Variants in KIAA1755 observed in about 807,000 individuals in gnomAD.
KIAA1755 encodes the protein KIAA1755.
KIAA1755 carries 68 observed loss-of-function variants against 91.7 expected under a neutral mutation model. The ratio of observed to expected loss-of-function variants is 0.74; its 90% CI spans 0.61 to 0.91. KIAA1755 has a LOEUF of 0.91. Among genes scored for constraint, KIAA1755 ranks in the 40% least tolerant of loss-of-function variants. The pLI, the probability that KIAA1755 is intolerant of heterozygous loss-of-function variation, is 0.00. For missense variants in KIAA1755, 1,535 were observed against 1,494.4 expected, an observed-to-expected ratio of 1.03 and a Z score of -0.45; for synonymous variants, 610 against 604.6, an observed-to-expected ratio of 1.01 and a Z score of -0.13.
intron 1 of KIAA1755, among the ~76,000 whole-genome samples, chr20:38,253,572 T>C (rs1018899487): frequency 6.6e-6 from 1 of 152,132 alleles, no homozygotes; most frequent in African/African-American, 2.4e-5. Flanking sequence ...GAAAACAGTG[T>C]CATACCGTAT....
intron 1 of KIAA1755, among the ~76,000 whole-genome samples, chr20:38,248,004 G>A (rs535606109): frequency 1.2e-4 from 19 of 152,310 alleles, no homozygotes; most frequent in African/African-American, 4.1e-4. Context: ...GAGGTGGGTG[G>A]ATCCCTTGAG....
At chr20:38,257,022 G>A (rs2076350547) in intron 1 of KIAA1755, among the ~76,000 whole-genome samples, 1 of 152,106 alleles carries the variant, frequency 6.6e-6, no homozygotes, top group Non-Finnish European at 1.5e-5. Context: ...TCCCTGGACT[G>A]AGCAACCTCC....
chr20:38,234,859 A>G (rs2123187533), intron 4 of KIAA1755, among the ~76,000 whole-genome samples: 1 of 152,282 alleles, frequency 6.6e-6, no homozygotes, highest in South Asian at 2.1e-4. Flanking sequence ...CTTTTGCCCC[A>G]AATGTTATCC....
rs560531659 is a variant in KIAA1755, at chr20:38,239,476, T to C, written c.1747+52A>G. On this transcript the variant is annotated intron_variant, in intron 4 of 13. Coordinates refer to ENST00000279024, the MANE Select transcript of KIAA1755 (RefSeq NM_001029864.2). The stretch of plus-strand genomic sequence containing the variant: ...TCCACCCAACAGCAGCTGAAGATGC[T>C]CTGGGGCCCCCAGCTCCCTCCCTAC... 3.8e-6 allele frequency: 6 copies of C among 1,562,390 alleles called. No individual in the cohort carries two copies. In the African/African-American group the frequency reaches 8.1e-5, roughly 21 times the overall value.
chr20:38,219,567 G>T, intron 11 of KIAA1755, 63 bp downstream of exon 11: 1 of 1,598,140 alleles, frequency 6.3e-7, no homozygotes, highest in East Asian at 2.2e-5. Context: ...CCCAGAGTCG[G>T]GGCTTTCCTG....
rs2076086436 is a variant in KIAA1755, at chr20:38,242,469, C to G, written c.202-540G>C. On this transcript the variant is annotated intron_variant, in intron 2 of 13. Coordinates refer to ENST00000279024, the MANE Select transcript of KIAA1755 (RefSeq NM_001029864.2). ...CCTCAATTTATGGTGGGGTTATATC[C>G]TGGTAAATCCATCATAAATTGAAAC... 2.6e-5 allele frequency among the ~76,000 whole-genome samples: 4 copies of G among 152,136 alleles called. No homozygotes were observed. In the South Asian group the frequency reaches 8.3e-4, roughly 32 times the overall value.
At chr20:38,247,604 A>G (rs186363742) in intron 1 of KIAA1755, among the ~76,000 whole-genome samples, 59 of 152,352 alleles carry the variant, frequency 3.9e-4, no homozygotes, top group African/African-American at 1.4e-3. Flanking sequence ...ATGACCTCCA[A>G]TGACGCCCTC....
intron 4 of KIAA1755, among the ~76,000 whole-genome samples, chr20:38,235,897 T>C (rs2075952051): frequency 6.6e-6 from 1 of 152,218 alleles, no homozygotes. Flanking sequence ...ATGAAAACTT[T>C]ACGGGGAGAC....
At chr20:38,245,312 C>T (rs571980947) in intron 2 of KIAA1755, among the ~76,000 whole-genome samples, 76 of 152,312 alleles carry the variant, frequency 5.0e-4, no homozygotes, top group African/African-American at 1.7e-3. Flanking sequence ...CAACAAGCAG[C>T]GCAAAGCAGA....
chr20:38,223,891 T>G (rs78375300), intron 8 of KIAA1755, among the ~76,000 whole-genome samples: 8,664 of 152,248 alleles, frequency 0.057, 392 homozygotes, highest in African/African-American at 0.12. Context: ...GCTGCTGGCC[T>G]GGGGAACCAC....
chr20:38,248,941 C>T (rs2076202517), intron 1 of KIAA1755, among the ~76,000 whole-genome samples: 1 of 152,020 alleles, frequency 6.6e-6, no homozygotes, highest in South Asian at 2.1e-4. Context: ...GTGGTGCTAT[C>T]TCGGCTCACT....
intron 4 of KIAA1755, chr20:38,233,821 A>T (rs879128): frequency 0.32 from 48,400 of 152,028 alleles, 7,890 homozygotes; most frequent in Middle Eastern, 0.49. Context: ...GTTAGGGGCG[A>T]AGCTGTGTCC....
Position 38,212,508 on chromosome 20 carries a change from T to C in KIAA1755, c.*534A>G, listed in dbSNP as rs2075465395. The C allele has an allele frequency of 1.3e-5, 2 of 152,992 alleles. No homozygotes were observed. The highest frequency in any genetic ancestry group is 1.3e-4 in the Admixed American group (2 of 15,316). The allele number at this position is 152,992 out of a possible 1,614,324, so 9.5% of individuals were successfully genotyped here. ...ACATACTCTTTATTCCCTTTGCAGA[T>C]TCGCCTCCTACTCCCCCAGCAGAGG... On this transcript the variant is annotated 3_prime_UTR_variant, in exon 14 of 14. Coordinates refer to ENST00000279024, the MANE Select transcript of KIAA1755 (RefSeq NM_001029864.2).
At chr20:38,244,813 A>G (rs2076126450) in intron 2 of KIAA1755, among the ~76,000 whole-genome samples, 1 of 152,092 alleles carries the variant, frequency 6.6e-6, no homozygotes, top group African/African-American at 2.4e-5. Flanking sequence ...GGTTCAAGCG[A>G]TTCTCCTGCC....
At chr20:38,249,060 G>T (rs1396653657) in intron 1 of KIAA1755, among the ~76,000 whole-genome samples, 2 of 152,064 alleles carry the variant, frequency 1.3e-5, no homozygotes, top group African/African-American at 4.8e-5. Context: ...ATTTTTGGTA[G>T]AGATGGGGTT....
At chr20:38,220,440 G>A (rs2075637277) in intron 10 of KIAA1755, among the ~76,000 whole-genome samples, 1 of 151,750 alleles carries the variant, frequency 6.6e-6, no homozygotes, top group Non-Finnish European at 1.5e-5. Flanking sequence ...TCAGCCTCCT[G>A]GGTAGCTGGG....
rs144432535 is a variant in KIAA1755, at chr20:38,222,333, A to G, written c.2417+116T>C. The G allele has an allele frequency of 2.6e-4, 292 of 1,135,780 alleles. 1 individual carries two copies. In the East Asian group the frequency reaches 5.9e-3, roughly 23 times the overall value. 70.4% of individuals were successfully genotyped at this position (1,135,780 alleles called of 1,614,324 possible). On this transcript the variant is annotated intron_variant, in intron 10 of 13. Coordinates refer to ENST00000279024, the MANE Select transcript of KIAA1755 (RefSeq NM_001029864.2). ...GGGATACAGGCCCTGCAACTACTGC[A>G]AAGCTGGGCGCCCTCGGGGCTCAGC... is the stretch of plus-strand genomic sequence containing the variant.
intron 1 of KIAA1755, among the ~76,000 whole-genome samples, chr20:38,253,726 G>A (rs887638884): frequency 3.2e-4 from 48 of 152,118 alleles, no homozygotes; most frequent in Non-Finnish European, 6.8e-4. Flanking sequence ...ATAGTTTCCC[G>A]GATTTTCCAA....
chr20:38,250,863 G>C (rs116161401), intron 1 of KIAA1755, among the ~76,000 whole-genome samples: 2 of 151,972 alleles, frequency 1.3e-5, no homozygotes, highest in African/African-American at 4.8e-5. Context: ...AGGCACATGT[G>C]GGGGCAAGGG....
Sources: allele counts gnomAD v4.1 joint callset (sites outside exome capture counted in the v4.1 genomes callset), GRCh38; gene constraint gnomAD v4.1.1; transcripts MANE v1.5; gene names NCBI Gene and HGNC (gene_info 2026-07-23, HGNC 2026-07-21).